COL27A1: variants seen among roughly 807,000 people sequenced by gnomAD.
The protein encoded by COL27A1 is collagen alpha-1(XXVII) chain.
Under a neutral mutation model 251.3 loss-of-function variants are expected in COL27A1, and 106 were observed. The observed-to-expected ratio is 0.42, with a 90% CI of 0.36 to 0.50. COL27A1 has a LOEUF of 0.50. Ranked by LOEUF, COL27A1 falls within the 20% of genes least tolerant of loss-of-function variation. COL27A1 has a pLI of 0.00. For synonymous variants in COL27A1, 1,000 were observed against 986.3 expected (o/e 1.01, Z -0.26); for missense variants, 2,325 against 2,522.8 (o/e 0.92, Z 1.68).
intron 36 of COL27A1, among the ~76,000 whole-genome samples, chr9:114,274,952 G>A (rs1417072945): frequency 6.6e-6 from 1 of 151,864 alleles, no homozygotes; most frequent in African/African-American, 2.4e-5. Context: ...TCAGCTAGTT[G>A]CAGCAGCTCA....
In COL27A1 at chr9:114,195,946, C is replaced by T. The variant is rs376995958; in HGVS notation, c.2071-13C>T. 214 of 1,608,378 alleles carry T rather than the reference C, an allele frequency of 1.3e-4. 1 individual carries two copies. In the African/African-American group the frequency reaches 2.7e-3, roughly 20 times the overall value. ...CGTTTTCCTGCCTCACCCACCTTGT[C>T]TGTGTCTTCCAGGGTGACATGGGCT... On this transcript the variant is annotated splice_polypyrimidine_tract_variant and intron_variant, in intron 6 of 60. Transcript: ENST00000356083.
intron 3 of COL27A1, among the ~76,000 whole-genome samples, chr9:114,170,392 G>A (rs373418671): frequency 7.9e-5 from 12 of 152,210 alleles, no homozygotes; most frequent in Non-Finnish European, 1.5e-4. Flanking sequence ...ATGGGATGGC[G>A]TTTCCAGAAG....
In COL27A1 at chr9:114,284,702, C is replaced by T. The variant is rs191470106; in HGVS notation, c.3934-22C>T. 7 of 1,613,646 alleles carry T rather than the reference C, an allele frequency of 4.3e-6. No homozygotes were observed. The East Asian group carries it at 6.7e-5, about 15-fold the overall frequency. ...CTTCCTGAGTCCTCATTCTCACTTCCCTCCTTCTTGTTTGCCTGCAGGGAC... is the reference window on the plus strand; with the variant it reads ...CTTCCTGAGTCCTCATTCTCACTTCTCTCCTTCTTGTTTGCCTGCAGGGAC... On this transcript the variant is annotated intron_variant, in intron 40 of 60. Coordinates refer to ENST00000356083, the MANE Select transcript of COL27A1 (RefSeq NM_032888.4).
intron 41 of COL27A1, among the ~76,000 whole-genome samples, chr9:114,288,179 T>C (rs1827646689): frequency 6.6e-6 from 1 of 152,100 alleles, no homozygotes; most frequent in Non-Finnish European, 1.5e-5. Flanking sequence ...CAAGCCGGGA[T>C]GTGAATCCAG....
chr9:114,161,514 T>A (rs1466986301), intron 1 of COL27A1, among the ~76,000 whole-genome samples: 1 of 151,936 alleles, frequency 6.6e-6, no homozygotes, highest in Non-Finnish European at 1.5e-5. Context: ...GCCCAGGGAG[T>A]CTGGGAAGAA....
At position 114,181,680 on chromosome 9, in the gene COL27A1, G is replaced by A. The variant is rs563477979; in HGVS notation, c.1963-1342G>A. Among the ~76,000 whole-genome samples the A allele has an allele frequency of 1.7e-3, 261 of 152,296 alleles. 2 individuals are homozygous for A. Among genetic ancestry groups the A allele is most frequent in the Non-Finnish European group, 2.3e-3 (159 of 68,028 alleles). ...GGGCTCTATTTATATTACTGTGCTG[G>A]AAGACTCTAGGCCAGGGCCCTTGCT... On this transcript the variant is annotated intron_variant, in intron 4 of 60. Coordinates refer to ENST00000356083, the MANE Select transcript of COL27A1 (RefSeq NM_032888.4).
chr9:114,266,330 CT>C (rs950152740), intron 32 of COL27A1, among the ~76,000 whole-genome samples: 1 of 152,070 alleles, frequency 6.6e-6, no homozygotes, highest in African/African-American at 2.4e-5. Flanking sequence ...GGAGGGCCCC[CT>C]GGGCTTTAGG....
At position 114,157,829 on chromosome 9, in the gene COL27A1, C is replaced by G. The variant is rs141393486; in HGVS notation, c.62+1817C>G. ...GAGCCACTCTGCTGCTTGTTTTTCTCTTCCACAAAACCGGCACCTTATTCC... is the reference window on the plus strand; with the variant it reads ...GAGCCACTCTGCTGCTTGTTTTTCTGTTCCACAAAACCGGCACCTTATTCC... On this transcript the variant is annotated intron_variant, in intron 1 of 60. Transcript: ENST00000356083. Among the ~76,000 whole-genome samples, 337 of 152,306 alleles carry G rather than the reference C, an allele frequency of 2.2e-3. 9 individuals carry two copies. Among genetic ancestry groups the G allele is most frequent in the Admixed American group, 0.019 (295 of 15,298 alleles).
rs561015316 is a variant in COL27A1, at chr9:114,298,597, G to A, written c.4585-1473G>A. Among the ~76,000 whole-genome samples the A allele has an allele frequency of 5.3e-5, 8 of 152,178 alleles. No individual in the cohort carries two copies. In the South Asian group the frequency reaches 1.2e-3, roughly 24 times the overall value. On this transcript the variant is annotated intron_variant, in intron 49 of 60. Transcript: ENST00000356083. Reference sequence around the variant, plus strand: ...AGACAATCACACAATCACATATCACGTACCAGAGAAGTAATTTGGACCTCT... The same window carrying A: ...AGACAATCACACAATCACATATCACATACCAGAGAAGTAATTTGGACCTCT...
chr9:114,258,500 C>T (rs775221732), intron 27 of COL27A1, 41 bp from the exon 28 acceptor site: 1 of 1,591,798 alleles, frequency 6.3e-7, no homozygotes. Flanking sequence ...GCTCTCACTT[C>T]CTAAAAAGGG....
intron 10 of COL27A1, chr9:114,209,442 G>T: frequency 6.5e-6 from 5 of 767,520 alleles, no homozygotes; most frequent in Non-Finnish European, 1.2e-5. Context: ...CTTCCCTGGC[G>T]TGAGGGTATG....
At chr9:114,255,676 G>A (rs1201981468) in intron 27 of COL27A1, among the ~76,000 whole-genome samples, 1 of 152,146 alleles carries the variant, frequency 6.6e-6, no homozygotes, top group Non-Finnish European at 1.5e-5. Context: ...GGTGAAATCA[G>A]ACGGTCACTT....
intron 21 of COL27A1, 70 bp from the exon 22 acceptor site, chr9:114,242,117 G>A: frequency 7.2e-7 from 1 of 1,383,122 alleles, no homozygotes; most frequent in Non-Finnish European, 9.9e-7. Context: ...CTCCATACAG[G>A]ACAAGATCTC....
rs533655452 is a variant in COL27A1 at position 114,259,998 on chromosome 9, G to C, written c.3195+1404G>C. ...TCCGGTGCCCATGTCCTCTGGGTGG[G>C]GGGGGGGTCTCTTCAAATGGGCCTT... On this transcript the variant is annotated intron_variant, in intron 28 of 60. Transcript: ENST00000356083. 1.7e-3 allele frequency among the ~76,000 whole-genome samples: 260 copies of C among 151,198 alleles called. 4 individuals carry two copies. The highest frequency in any genetic ancestry group is 3.2e-3 in the South Asian group (15 of 4,706).
At chr9:114,210,860 G>A (rs1830306324) in intron 11 of COL27A1, 122 bp from the exon 12 acceptor site, 3 of 939,538 alleles carry the variant, frequency 3.2e-6, no homozygotes, top group African/African-American at 3.2e-5. Flanking sequence ...CGCCACGCAA[G>A]TGGCACACAT....
rs375099559 is a variant in COL27A1, at chr9:114,168,813, C to A, written c.1258C>A (p.Arg420Ser). ...CCGTCCAGTTCCTGCCAGAGTCTCC[C>A]GTCCCGCAGAGAAGCCCATCCAGAG... ...TSRPVPARVS[R>S]PAEKPIQRNP... Residue 420 changes from arginine (R) to serine (S), a missense_variant, in exon 3 of 61, where the codon CGT (arginine) becomes AGT (serine). By Grantham distance (110) the Arg-to-Ser change is moderately radical (BLOSUM62 -1). Around this residue, in one of 4 missense-constraint regions of COL27A1, gnomAD observed 1,183 missense variants for 1,144.1 expected, o/e 1.03. Transcript: ENST00000356083. The A allele has an allele frequency of 6.2e-7, 1 of 1,614,028 alleles. No homozygotes were observed. Among genetic ancestry groups the A allele is most frequent in the Middle Eastern group, 1.6e-4 (1 of 6,062 alleles).
At chr9:114,196,131 C>A in intron 7 of COL27A1, 119 bp downstream of exon 7, 1 of 875,480 alleles carries the variant, frequency 1.1e-6, no homozygotes, top group Non-Finnish European at 1.9e-6. Flanking sequence ...CTCCCCTGGG[C>A]ACAGGGTACA....
intron 3 of COL27A1, among the ~76,000 whole-genome samples, chr9:114,170,945 T>C (rs2808774): frequency 0.27 from 40,803 of 152,152 alleles, 5,698 homozygotes; most frequent in Middle Eastern, 0.41. Context: ...ATGGTCTCAA[T>C]TCTGGCCACA....
rs1262099296 is a variant in COL27A1 at position 114,290,193 on chromosome 9, T to C, written c.4261-31T>C. Reference sequence around the variant, plus strand: ...CCCTCCTCCCACTCCCTGCACCAAATGCCCTCACCAGCTTTTTATGTACCC... The same window carrying C: ...CCCTCCTCCCACTCCCTGCACCAAACGCCCTCACCAGCTTTTTATGTACCC... On this transcript the variant is annotated intron_variant, in intron 46 of 60. Coordinates refer to ENST00000356083, the MANE Select transcript of COL27A1 (RefSeq NM_032888.4). The surrounding 1 kb of genome is among the most constrained non-coding windows in gnomAD (Gnocchi z 4.6). The C allele has an allele frequency of 2.1e-6, 2 of 962,566 alleles. No homozygotes were observed. Among genetic ancestry groups the C allele is most frequent in the Non-Finnish European group, 3.0e-6 (2 of 661,294 alleles). The allele number at this position is 962,566 out of a possible 1,614,324, so 59.6% of individuals were successfully genotyped here.
Sources: allele counts gnomAD v4.1 joint callset (sites outside exome capture counted in the v4.1 genomes callset), GRCh38; gene constraint gnomAD v4.1.1; regional missense constraint gnomAD v4.1.1; non-coding constraint Gnocchi (gnomAD v3.1); transcripts MANE v1.5; gene names NCBI Gene and HGNC (gene_info 2026-07-23, HGNC 2026-07-21).